Variants in BCL2L10 observed in about 807,000 individuals in gnomAD.
BCL2L10 encodes BCL2 like 10.
Under a neutral mutation model 11.1 loss-of-function variants are expected in BCL2L10, and 14 were observed. That is an observed-to-expected ratio of 1.26 (90% CI 0.83 to 1.96). The LOEUF is 1.96. Among genes scored for constraint, BCL2L10 ranks in the 30% most tolerant of loss-of-function variants. The pLI, the probability that BCL2L10 is intolerant of heterozygous loss-of-function variation, is 0.00. For missense variants in BCL2L10, 309 were observed against 273.9 expected (o/e 1.13, Z -0.90); for synonymous variants, 154 against 133.4 (o/e 1.15, Z -1.07).
rs1166132325 is a variant in BCL2L10, at chr15:52,109,912, ACCAG to A, written c.547_550del (p.Leu183SerfsTer9). 2 of 1,613,794 alleles carry A rather than the reference ACCAG, an allele frequency of 1.2e-6. No homozygotes were observed. The highest frequency in any genetic ancestry group is 2.7e-5 in the African/African-American group (2 of 74,920). The stretch of plus-strand genomic sequence containing the variant: ...TAACAAGCATGACAGAAAAGCCTGG[ACCAG>A]CTGTTTTCTCCAAAAAGCCAGTGGA... On this transcript the variant is annotated frameshift_variant, in exon 2 of 2. Transcript: ENST00000260442. LOFTEE classifies it low-confidence loss of function (END_TRUNC).
chr15:52,112,607 C>T lies in BCL2L10; in HGVS notation c.120G>A (p.Ala40=). Residue 40 remains alanine (A), a synonymous_variant, in exon 1 of 2, where the codon GCG becomes GCA. Transcript: ENST00000260442. ...GCACGGCGGCCTCGGGCGTGGATGG[C>T]GCCGGCTCGGGGGTGCCGGGTTCCC... is the stretch of plus-strand genomic sequence containing the variant. The part of the protein sequence containing the change: ...CAREPGTPEP[A]PSTPEAAVLR... The T allele has an allele frequency of 1.9e-6, 3 of 1,575,262 alleles. No individual in the cohort carries two copies. Among genetic ancestry groups the T allele is most frequent in the East Asian group, 2.3e-5 (1 of 43,832 alleles).
In BCL2L10 at chr15:52,112,662, A is replaced by C. The variant is rs760972496; in HGVS notation, c.65T>G (p.Leu22Trp). 16 of 1,552,366 alleles carry C rather than the reference A, an allele frequency of 1.0e-5. No homozygotes were observed. The Admixed American group carries it at 1.7e-4, about 17-fold the overall frequency. Reference sequence around the variant, plus strand: ...GCAGTACCCCAGGTAGTCGGCCAGCAACAGCTCGGTGCGCTCCCGCAGCGG... The same window carrying C: ...GCAGTACCCCAGGTAGTCGGCCAGCCACAGCTCGGTGCGCTCCCGCAGCGG... ...ADPLRERTELLLADYLGYCAR... is the reference protein window; with the variant it reads ...ADPLRERTELWLADYLGYCAR... Residue 22 changes from leucine (L) to tryptophan (W), a missense_variant, in exon 1 of 2, where the codon TTG (leucine) becomes TGG (tryptophan). Coordinates refer to ENST00000260442, the MANE Select transcript of BCL2L10 (RefSeq NM_020396.4).
chr15:52,109,927 C>T lies in BCL2L10; in HGVS notation c.536G>A (p.Trp179Ter). 6.2e-7 allele frequency: 1 copy of T among 1,613,410 alleles called. No individual in the cohort carries two copies. The highest frequency in any genetic ancestry group is 8.5e-7 in the Non-Finnish European group (1 of 1,179,664). ...AAAAGCCTGGACCAGCTGTTTTCTC[C>T]AAAAAGCCAGTGGAAAGGGGGTCCT... is the stretch of plus-strand genomic sequence containing the variant. ...FFRTPFPLAF[W>*]RKQLVQAFLS... The change falls in exon 2 of 2, where the codon TGG becomes TAG. Residue 179 changes from tryptophan (W) to a stop codon, truncating the protein, a stop_gained. Coordinates refer to ENST00000260442, the MANE Select transcript of BCL2L10 (RefSeq NM_020396.4). LOFTEE classifies it low-confidence loss of function (END_TRUNC).
At position 52,112,304 on chromosome 15, in the gene BCL2L10, C is replaced by CA; in HGVS notation, c.422dup (p.Val142GlyfsTer78). The CA allele has an allele frequency of 6.4e-7, 1 of 1,570,476 alleles. No individual in the cohort carries two copies. The highest frequency in any genetic ancestry group is 8.6e-7 in the Non-Finnish European group (1 of 1,165,354). On this transcript the variant is annotated frameshift_variant, in exon 1 of 2. Coordinates refer to ENST00000260442, the MANE Select transcript of BCL2L10 (RefSeq NM_020396.4). LOFTEE classifies it high-confidence loss of function. ...TGAGCCGCGAGCTCAGCAAGGCCAC[C>CA]AGGCGCTGGCAGTCCCGGGCGACGT...
intron 1 of BCL2L10, 95 bp downstream of exon 1, chr15:52,112,143 G>C (rs973383774): frequency 7.2e-6 from 10 of 1,392,674 alleles, no homozygotes; most frequent in Admixed American, 6.4e-5. Flanking sequence ...CTCGTTCCAG[G>C]GGCCTGGCGC....
At chr15:52,111,119 G>C (rs1304120484) in intron 1 of BCL2L10, among the ~76,000 whole-genome samples, 1 of 151,294 alleles carries the variant, frequency 6.6e-6, no homozygotes, top group East Asian at 1.9e-4. Flanking sequence ...GACAGATCAC[G>C]AGATCAAGAG....
At position 52,109,816 on chromosome 15, in the gene BCL2L10, G is replaced by A; in HGVS notation, c.*32C>T. The A allele has an allele frequency of 1.2e-6, 2 of 1,611,552 alleles. No individual in the cohort carries two copies. Among genetic ancestry groups the A allele is most frequent in the East Asian group, 2.2e-5 (1 of 44,840 alleles). ...TCTGTCATTTAGTTGGTCACAGTTG[G>A]GCAGGTAGAAGCGGGTTAAAAGTTT... On this transcript the variant is annotated 3_prime_UTR_variant, in exon 2 of 2. Coordinates refer to ENST00000260442, the MANE Select transcript of BCL2L10 (RefSeq NM_020396.4).
At chr15:52,112,210 CGT>C in intron 1 of BCL2L10, 26 bp downstream of exon 1, 2 of 1,462,522 alleles carry the variant, frequency 1.4e-6, no homozygotes, top group Non-Finnish European at 1.8e-6. Context: ...CGTCCCGCCC[CGT>C]GTCCCGGTGT....
Position 52,112,456 on chromosome 15 carries a change from C to T in BCL2L10, c.271G>A (p.Gly91Ser), listed in dbSNP as rs1202016736. ...MADSVLSDSPGPTWGRVVTLV... is the reference protein window; with the variant it reads ...MADSVLSDSPSPTWGRVVTLV... ...GTCACCACTCTGCCCCAGGTGGGGC[C>T]GGGGCTGTCGGAGAGCACGGAATCC... Residue 91 changes from glycine to serine, a missense_variant, in exon 1 of 2, where the codon GGC becomes AGC. Gly to Ser is a moderately conservative substitution (Grantham distance 56). Coordinates refer to ENST00000260442, the MANE Select transcript of BCL2L10 (RefSeq NM_020396.4). 6 of 1,605,794 alleles carry T rather than the reference C, an allele frequency of 3.7e-6. No homozygotes were observed. Among genetic ancestry groups the T allele is most frequent in the Non-Finnish European group, 5.1e-6 (6 of 1,179,372 alleles).
Position 52,112,653 on chromosome 15 carries a change from T to C in BCL2L10, c.74A>G (p.Asp25Gly). 2 of 1,556,662 alleles carry C rather than the reference T, an allele frequency of 1.3e-6. No individual in the cohort carries two copies. The highest frequency in any genetic ancestry group is 1.7e-6 in the Non-Finnish European group (2 of 1,158,812). Residue 25 changes from aspartate (D) to glycine (G), a missense_variant, in exon 1 of 2, where the codon GAC becomes GGC. Physicochemically the swap from Asp to Gly is moderately conservative, Grantham distance 94 (BLOSUM62 -1). Coordinates refer to ENST00000260442, the MANE Select transcript of BCL2L10 (RefSeq NM_020396.4). ...TTCCCGGGCGCAGTACCCCAGGTAG[T>C]CGGCCAGCAACAGCTCGGTGCGCTC... Reference protein sequence around the residue: ...LRERTELLLADYLGYCAREPG... With the variant: ...LRERTELLLAGYLGYCAREPG...
chr15:52,110,440 C>CT (rs3838855), intron 1 of BCL2L10, among the ~76,000 whole-genome samples: 79,464 of 149,852 alleles, frequency 0.53, 24,128 homozygotes, highest in East Asian at 0.84. Flanking sequence ...AGAATTTCAG[C>CT]TTTTTTTTTT....
At chr15:52,110,276 GCC>G (rs2033035058) in intron 1 of BCL2L10, among the ~76,000 whole-genome samples, 3 of 152,136 alleles carry the variant, frequency 2.0e-5, no homozygotes, top group African/African-American at 7.2e-5. Context: ...AAGAAGAGAT[GCC>G]TTTTGGGAAA....
intron 1 of BCL2L10, among the ~76,000 whole-genome samples, chr15:52,111,216 A>ACACACACG (rs1360594535): frequency 1.3e-4 from 19 of 148,508 alleles, no homozygotes; most frequent in African/African-American, 4.5e-4. Flanking sequence ...ACACACACAC[A>ACACACACG]CAGTTAGCCA....
intron 1 of BCL2L10, among the ~76,000 whole-genome samples, chr15:52,110,876 A>T (rs1398635912): frequency 6.6e-6 from 1 of 152,212 alleles, no homozygotes; most frequent in East Asian, 1.9e-4. Flanking sequence ...CAGATGCCGT[A>T]TTGAGACAGG....
At position 52,112,699 on chromosome 15, in the gene BCL2L10, T is replaced by C. The variant is rs1279375579; in HGVS notation, c.28A>G (p.Thr10Ala). The change falls in exon 1 of 2, where the codon ACC becomes GCC. Residue 10 changes from threonine to alanine, a missense_variant. Physicochemically the swap from Thr to Ala is moderately conservative, Grantham distance 58 (BLOSUM62 0). Transcript: ENST00000260442. MVDQLRERTTMADPLRERTE... is the reference protein window; with the variant it reads MVDQLRERTAMADPLRERTE... ...CGCTCCCGCAGCGGGTCGGCCATGG[T>C]GGTGCGCTCCCGCAACTGGTCAACC... 10 of 1,536,346 alleles carry C rather than the reference T, an allele frequency of 6.5e-6. No homozygotes were observed. In the African/African-American group the frequency reaches 1.1e-4, roughly 17 times the overall value.
intron 1 of BCL2L10, among the ~76,000 whole-genome samples, chr15:52,111,013 T>C (rs2033046051): frequency 6.6e-6 from 1 of 151,906 alleles, no homozygotes; most frequent in Admixed American, 6.6e-5. Context: ...CTTTCCCTTC[T>C]CAGATAGAAC....
At position 52,109,723 on chromosome 15, in the gene BCL2L10, T is replaced by C; in HGVS notation, c.*125A>G. 7.4e-7 allele frequency: 1 copy of C among 1,343,152 alleles called. No homozygotes were observed. The highest frequency in any genetic ancestry group is 1.0e-6 in the Non-Finnish European group (1 of 975,214). The allele number at this position is 1,343,152 out of a possible 1,614,324, so 83.2% of individuals were successfully genotyped here. On this transcript the variant is annotated 3_prime_UTR_variant, in exon 2 of 2. Coordinates refer to ENST00000260442, the MANE Select transcript of BCL2L10 (RefSeq NM_020396.4). ...GCCAAATCACCACCTCAGGACTCCT[T>C]GTATGCATTCAGATAAAAACGTCTG... is the stretch of plus-strand genomic sequence containing the variant.
rs1017725916 is a variant in BCL2L10 at position 52,112,391 on chromosome 15, C to G, written c.336G>C (p.Pro112=). 5 of 1,606,562 alleles carry G rather than the reference C, an allele frequency of 3.1e-6. No homozygotes were observed. The African/African-American group carries it at 5.3e-5, about 17-fold the overall frequency. ...TFAGTLLERG[P]LVTARWKKWG... is the part of the protein sequence containing the mutation. ...ACTTCTTCCACCGGGCGGTCACCAG[C>G]GGCCCTCTCTCCAGCAGCGTCCCTG... The change falls in exon 1 of 2, where the codon CCG becomes CCC. Residue 112 remains proline (P), a synonymous_variant. Coordinates refer to ENST00000260442, the MANE Select transcript of BCL2L10 (RefSeq NM_020396.4).
rs765082287 is a variant in BCL2L10 at position 52,112,230 on chromosome 15, G to C, written c.489+8C>G. The C allele has an allele frequency of 6.7e-7, 1 of 1,488,556 alleles. No homozygotes were observed. The highest frequency in any genetic ancestry group is 2.2e-5 in the Admixed American group (1 of 46,168). 92.2% of individuals were successfully genotyped at this position (1,488,556 alleles called of 1,614,324 possible). A position where few individuals can be genotyped will look rare whatever the true frequency, so the allele number is the denominator to read the frequency against. On this transcript the variant is annotated splice_region_variant and intron_variant, in intron 1 of 1. Transcript: ENST00000260442. ...CGCCCCGTGTCCCGGTGTCCGCCGC[G>C]TGCTCACCCAGCCGCCCTGAGCCTG...
Sources: gnomAD v4.1 joint callset for allele counts (sites outside exome capture counted in the v4.1 genomes callset) on GRCh38, gnomAD v4.1.1 for gene constraint, MANE v1.5 for transcripts, NCBI Gene and HGNC (gene_info 2026-07-23, HGNC 2026-07-21) for gene names.